The following MCPH1 variants were observed in gnomAD, a reference collection of about 807,000 sequenced individuals.
MCPH1 encodes microcephalin 1, also known as microcephalin.
MCPH1 carries 104 observed loss-of-function variants against 84.5 expected under a neutral mutation model. That is an observed-to-expected ratio of 1.23 (90% CI 1.05 to 1.45). The LOEUF is 1.45. MCPH1 is among the 40% of genes most tolerant of loss of function. The probability of loss-of-function intolerance (pLI) is 0.00; values close to 1 mark genes in which losing one functional copy is unlikely to be tolerated. For missense variants in MCPH1, 1,498 were observed against 1,005.7 expected (o/e 1.49, Z -6.62); for synonymous variants, 514 against 366.8 (o/e 1.40, Z -4.58).
At chr8:6,632,542 A>G (rs184766591) in intron 13 of MCPH1, among the ~76,000 whole-genome samples, 58 of 152,256 alleles carry the variant, frequency 3.8e-4, no homozygotes, top group East Asian at 2.9e-3. Context: ...GAGCGCAGTG[A>G]CTCATGCCTG....
chr8:6,609,534 A>T (rs1037823801), intron 12 of MCPH1, among the ~76,000 whole-genome samples: 4 of 152,250 alleles, frequency 2.6e-5, no homozygotes, highest in African/African-American at 9.6e-5. Flanking sequence ...AGTTGTCTGA[A>T]TCGCCTTCAG....
chr8:6,437,717 C>G (rs981388070), intron 5 of MCPH1, among the ~76,000 whole-genome samples: 1 of 152,206 alleles, frequency 6.6e-6, no homozygotes, highest in Non-Finnish European at 1.5e-5. Context: ...CGTCAAAGCT[C>G]AAGCCAGAAA....
intron 12 of MCPH1, chr8:6,514,612 G>A (rs1204130025): frequency 2.8e-5 from 40 of 1,418,478 alleles, no homozygotes; most frequent in East Asian, 1.6e-4. Context: ...TTAAGGTTCC[G>A]CAGATCTTGA....
intron 13 of MCPH1, among the ~76,000 whole-genome samples, chr8:6,623,705 A>AAC (rs1227571011): frequency 1.8e-4 from 1 of 5,560 alleles, no homozygotes; most frequent in Admixed American, 1.4e-3. Context: ...AAAAAAAAAA[A>AAC]AAAAAAAAAA....
intron 12 of MCPH1, among the ~76,000 whole-genome samples, chr8:6,528,528 A>C (rs758414209): frequency 6.6e-6 from 1 of 152,094 alleles, no homozygotes; most frequent in Non-Finnish European, 1.5e-5. Context: ...TCCTGTTTTA[A>C]AACTTGTTTG....
chr8:6,460,498 G>C (rs1424372533), intron 9 of MCPH1, among the ~76,000 whole-genome samples: 2 of 152,102 alleles, frequency 1.3e-5, no homozygotes, highest in African/African-American at 2.4e-5. Context: ...TTACAGGCGG[G>C]AGCCTTCATG....
intron 12 of MCPH1, among the ~76,000 whole-genome samples, chr8:6,505,175 A>AATATATATATATATATTCTTATGT (rs1813045953): frequency 3.1e-5 from 3 of 95,786 alleles, no homozygotes; most frequent in Non-Finnish European, 4.1e-5. Context: ...TATGCCAAAG[A>AATATATATATATATATTCTTATGT]ATATATATAT....
At chr8:6,452,524 G>A (rs984107015) in intron 8 of MCPH1, among the ~76,000 whole-genome samples, 18 of 152,332 alleles carry the variant, frequency 1.2e-4, no homozygotes, top group African/African-American at 4.3e-4. Context: ...AAATGCTGTG[G>A]ACCAAATTGT....
chr8:6,461,138 C>T (rs1806237011), intron 9 of MCPH1, among the ~76,000 whole-genome samples: 1 of 151,912 alleles, frequency 6.6e-6, no homozygotes, highest in Non-Finnish European at 1.5e-5. Flanking sequence ...TTCAGTTTCT[C>T]TTAAAGAGTG....
At chr8:6,507,240 C>T (rs1300595893) in intron 12 of MCPH1, among the ~76,000 whole-genome samples, 2 of 152,098 alleles carry the variant, frequency 1.3e-5, no homozygotes, top group African/African-American at 4.8e-5. Context: ...TAACTTGGGT[C>T]ATCCATTTGT....
At chr8:6,543,751 C>G (rs1359405135) in intron 12 of MCPH1, among the ~76,000 whole-genome samples, 1 of 152,134 alleles carries the variant, frequency 6.6e-6, no homozygotes, top group East Asian at 1.9e-4. Context: ...CCTTCGACCT[C>G]TGGTTCAGTT....
chr8:6,640,085 T>TGTGCGCGCGC (rs1300100502), intron 13 of MCPH1, among the ~76,000 whole-genome samples: 1 of 144,776 alleles, frequency 6.9e-6, no homozygotes, highest in Non-Finnish European at 1.5e-5. Flanking sequence ...TGTGTGTGTG[T>TGTGCGCGCGC]GTGTGTGTGT....
chr8:6,489,496 G>T (rs62496825), intron 11 of MCPH1, among the ~76,000 whole-genome samples: 1,555 of 152,308 alleles, frequency 0.01, 12 homozygotes, highest in Non-Finnish European at 0.016. Context: ...GGTGGATGTT[G>T]TCAGAGACCT....
At chr8:6,635,659 A>G (rs556529586) in intron 13 of MCPH1, among the ~76,000 whole-genome samples, 50 of 152,236 alleles carry the variant, frequency 3.3e-4, no homozygotes, top group Non-Finnish European at 6.3e-4. Context: ...CTGAACCAAC[A>G]GAAAGGAGCT....
intron 9 of MCPH1, among the ~76,000 whole-genome samples, chr8:6,470,029 G>T (rs1248245298): frequency 6.6e-6 from 1 of 152,118 alleles, no homozygotes; most frequent in Non-Finnish European, 1.5e-5. Flanking sequence ...AAAGAATCCT[G>T]CATGTTTTTT....
intron 2 of MCPH1, among the ~76,000 whole-genome samples, chr8:6,412,644 T>G (rs1324041588): frequency 1.3e-5 from 2 of 152,278 alleles, no homozygotes; most frequent in Non-Finnish European, 2.9e-5. Flanking sequence ...CTTGTCTCTT[T>G]GAGGCTTCTC....
intron 12 of MCPH1, among the ~76,000 whole-genome samples, chr8:6,602,338 G>T (rs1245693648): frequency 6.6e-6 from 1 of 152,194 alleles, no homozygotes. Context: ...CTATGGCAAT[G>T]ACATGGAGGG....
At chr8:6,478,584 C>A (rs60681873) in intron 10 of MCPH1, among the ~76,000 whole-genome samples, 437 of 152,236 alleles carry the variant, frequency 2.9e-3, no homozygotes, top group African/African-American at 8.7e-3. Context: ...TCTTGTGATA[C>A]TTAAGAATAA....
chr8:6,607,152 C>G (rs181380190), intron 12 of MCPH1, among the ~76,000 whole-genome samples: 3 of 152,346 alleles, frequency 2.0e-5, no homozygotes, highest in Admixed American at 1.3e-4. Flanking sequence ...CCTTGCCCTT[C>G]TCCCCTGGGG....
Sources: allele counts gnomAD v4.1 joint callset (sites outside exome capture counted in the v4.1 genomes callset), GRCh38; gene constraint gnomAD v4.1.1; transcripts MANE v1.5; gene names NCBI Gene and HGNC (gene_info 2026-07-23, HGNC 2026-07-21).